APLP2: variants seen among roughly 807,000 people sequenced by gnomAD.
APLP2 encodes the protein CDEI box-binding protein.
APLP2 carries 53 observed loss-of-function variants against 89.9 expected under a neutral mutation model. The ratio of observed to expected loss-of-function variants is 0.59; its 90% CI spans 0.47 to 0.74. APLP2 has a LOEUF of 0.74. Among genes scored for constraint, APLP2 ranks in the 30% least tolerant of loss-of-function variants. The pLI is 0.00. For missense variants in APLP2, 973 were observed against 975.9 expected (o/e 1.00, Z 0.04); for synonymous variants, 372 against 348.6 (o/e 1.07, Z -0.75).
At chr11:130,073,705 A>G (rs532719393) in intron 1 of APLP2, among the ~76,000 whole-genome samples, 1 of 152,230 alleles carries the variant, frequency 6.6e-6, no homozygotes, top group African/African-American at 2.4e-5. Flanking sequence ...GCTGGGCGAG[A>G]TGGCGTGCGC....
chr11:130,104,027 A>G lies in APLP2; in HGVS notation c.106-5402A>G, dbSNP rs535026855. On this transcript the variant is annotated intron_variant, in intron 1 of 16. Coordinates refer to ENST00000338167, the MANE Select transcript of APLP2 (RefSeq NM_001142276.2). ...TCTTGGATTTTCTTCATTTAATTCTATCTGAACTTTCGAAGTGGGAAGCAA... is the reference window on the plus strand; with the variant it reads ...TCTTGGATTTTCTTCATTTAATTCTGTCTGAACTTTCGAAGTGGGAAGCAA... Among the ~76,000 whole-genome samples, 96 of 152,112 alleles carry G rather than the reference A, an allele frequency of 6.3e-4. 1 individual carries two copies. Among genetic ancestry groups the G allele is most frequent in the Admixed American group, 1.8e-3 (27 of 15,286 alleles).
At chr11:130,137,743 G>A (rs751602891) in intron 13 of APLP2, among the ~76,000 whole-genome samples, 5 of 151,710 alleles carry the variant, frequency 3.3e-5, no homozygotes, top group Admixed American at 6.6e-5. Flanking sequence ...GGCTCTCCTC[G>A]CCCTTTGTCT....
intron 1 of APLP2, among the ~76,000 whole-genome samples, chr11:130,079,427 A>G (rs575609110): frequency 5.4e-4 from 82 of 152,280 alleles, no homozygotes; most frequent in African/African-American, 1.9e-3. Context: ...TAGGCCCTCT[A>G]TAATTCTGCC....
At chr11:130,103,719 A>T (rs1222393217) in intron 1 of APLP2, among the ~76,000 whole-genome samples, 2 of 152,200 alleles carry the variant, frequency 1.3e-5, no homozygotes, top group East Asian at 3.8e-4. Flanking sequence ...GGGTGACCTC[A>T]TGTAACTAAT....
chr11:130,091,467 A>G (rs1196408904), intron 1 of APLP2, among the ~76,000 whole-genome samples: 70 of 95,706 alleles, frequency 7.3e-4, no homozygotes, highest in African/African-American at 1.5e-3. Flanking sequence ...CTCACCTCCC[A>G]GACGGGGCGG....
intron 1 of APLP2, chr11:130,070,723 C>A (rs1267204478): frequency 2.0e-6 from 3 of 1,469,748 alleles, no homozygotes; most frequent in East Asian, 5.9e-5. Flanking sequence ...TGCCTGCGTC[C>A]GTAGACCGAG....
At chr11:130,115,747 C>T (rs934978480) in intron 3 of APLP2, among the ~76,000 whole-genome samples, 1 of 152,144 alleles carries the variant, frequency 6.6e-6, no homozygotes, top group African/African-American at 2.4e-5. Flanking sequence ...TACTGATCTG[C>T]CTAGGTAAAT....
rs1486252868 is a variant in APLP2, at chr11:130,143,431, G to A, written c.2239G>A (p.Glu747Lys). ...GYENPTYKYL[E>K]QMQI The stretch of plus-strand genomic sequence containing the variant: ...TGAGAACCCCACCTACAAATACCTG[G>A]AGCAGATGCAGATTTAGGTGGCAGG... Residue 747 changes from glutamate (E) to lysine (K), a missense_variant, in exon 17 of 17, where the codon GAG becomes AAG. Coordinates refer to ENST00000338167, the MANE Select transcript of APLP2 (RefSeq NM_001142276.2). 3.1e-6 allele frequency: 5 copies of A among 1,613,880 alleles called. No individual in the cohort carries two copies. The highest frequency in any genetic ancestry group is 2.7e-5 in the African/African-American group (2 of 74,974).
chr11:130,135,672 GTTCCACCCC>G lies in APLP2; in HGVS notation c.1808_1816del (p.His603_Phe605del), dbSNP rs374249630. The G allele has an allele frequency of 4.3e-4, 702 of 1,614,024 alleles. 6 individuals are homozygous for G. In the African/African-American group the frequency reaches 8.5e-3, roughly 20 times the overall value. On this transcript the variant is annotated inframe_deletion, in exon 13 of 17. Transcript: ENST00000338167. The stretch of plus-strand genomic sequence containing the variant: ...CTGAGGAGAGTGAGGAGATCCCACC[GTTCCACCCC>G]TTCCACCCCTTCCCAGCCCTACCTG...
chr11:130,117,910 A>G (rs1418318254), intron 3 of APLP2, among the ~76,000 whole-genome samples: 2 of 152,196 alleles, frequency 1.3e-5, no homozygotes, highest in African/African-American at 4.8e-5. Flanking sequence ...CCGTCTCTCT[A>G]CTAAAAATAC....
intron 1 of APLP2, chr11:130,082,727 A>G: frequency 4.4e-6 from 1 of 225,886 alleles, no homozygotes; most frequent in Non-Finnish European, 9.2e-6. Context: ...TGCATTTGGG[A>G]CAGCCTAGTT....
chr11:130,122,324 G>A lies in APLP2; in HGVS notation c.733G>A (p.Asp245Asn). The A allele has an allele frequency of 6.2e-7, 1 of 1,614,048 alleles. No homozygotes were observed. The change falls in exon 6 of 17, where the codon GAT becomes AAT. Residue 245 changes from aspartate (D) to asparagine (N), a missense_variant. Coordinates refer to ENST00000338167, the MANE Select transcript of APLP2 (RefSeq NM_001142276.2). ...CTTCAGTGAATTTCCTACTGAAGCA[G>A]ATCTGGAAGACTTCACAGAAGCAGC... ...VYKSEFPTEADLEDFTEAAVD... is the reference protein window; with the variant it reads ...VYKSEFPTEANLEDFTEAAVD...
rs1417368222 is a variant in APLP2, at chr11:130,133,628, G to A, written c.1585-1G>A. ...CCTCTCCACCATAACTCTGCTTCCA[G>A]GTGATGACACATCTCCACGTGATTG... is the stretch of plus-strand genomic sequence containing the variant. On this transcript the variant is annotated splice_acceptor_variant, in intron 11 of 16. Coordinates refer to ENST00000338167, the MANE Select transcript of APLP2 (RefSeq NM_001142276.2). LOFTEE classifies it high-confidence loss of function. The A allele has an allele frequency of 1.2e-6, 2 of 1,613,156 alleles. No individual in the cohort carries two copies. The highest frequency in any genetic ancestry group is 1.7e-5 in the Admixed American group (1 of 60,032).
chr11:130,080,697 CTTTTTT>C (rs375026553), intron 1 of APLP2, among the ~76,000 whole-genome samples: 1 of 130,244 alleles, frequency 7.7e-6, no homozygotes, highest in Admixed American at 7.7e-5. Flanking sequence ...ATTTATCTTT[CTTTTTT>C]TTTTTTTTTT....
At chr11:130,138,581 GTTTTTTTT>G (rs34805457) in intron 13 of APLP2, among the ~76,000 whole-genome samples, 9 of 91,390 alleles carry the variant, frequency 9.8e-5, no homozygotes, top group Non-Finnish European at 1.6e-4. Flanking sequence ...CTGGTGGTAG[GTTTTTTTT>G]TTTTTTTTTT....
intron 3 of APLP2, chr11:130,114,168 A>G (rs1305976290): frequency 6.6e-6 from 1 of 152,204 alleles, no homozygotes; most frequent in Non-Finnish European, 1.5e-5. Flanking sequence ...TTCTAATAAC[A>G]TCCAGGATCT....
intron 1 of APLP2, among the ~76,000 whole-genome samples, chr11:130,075,939 A>G (rs1233601858): frequency 3.3e-5 from 5 of 152,258 alleles, no homozygotes; most frequent in Non-Finnish European, 7.3e-5. Flanking sequence ...GAACCATTGT[A>G]AACCATATGG....
chr11:130,085,388 G>C (rs1192763853), intron 1 of APLP2, among the ~76,000 whole-genome samples: 1 of 152,064 alleles, frequency 6.6e-6, no homozygotes, highest in African/African-American at 2.4e-5. Context: ...GGAGGCAGAG[G>C]TTGCAGTGAG....
At chr11:130,073,194 G>A (rs1941462101) in intron 1 of APLP2, among the ~76,000 whole-genome samples, 4 of 152,120 alleles carry the variant, frequency 2.6e-5, no homozygotes, top group Admixed American at 2.6e-4. Flanking sequence ...TAATACAGAA[G>A]AATTAAAATC....
Sources: gnomAD v4.1 joint callset for allele counts (sites outside exome capture counted in the v4.1 genomes callset) on GRCh38, gnomAD v4.1.1 for gene constraint, MANE v1.5 for transcripts, NCBI Gene and HGNC (gene_info 2026-07-23, HGNC 2026-07-21) for gene names.